TENM2: variants seen among roughly 807,000 people sequenced by gnomAD.
The protein encoded by TENM2 is teneurin transmembrane protein 2.
In TENM2, 52 loss-of-function variants were observed where a neutral mutation model predicts 245.2. The observed-to-expected ratio is 0.21, with a 90% CI of 0.17 to 0.27. The LOEUF (loss-of-function observed/expected upper bound fraction) is 0.27, where lower values mean the gene tolerates loss of function less well. Among genes scored for constraint, TENM2 ranks in the 10% least tolerant of loss-of-function variants. TENM2 has a pLI of 1.00. For missense variants in TENM2, 3,046 were observed against 3,666.8 expected (o/e 0.83, Z 4.37); for synonymous variants, 1,363 against 1,438.9 (o/e 0.95, Z 1.19).
chr5:167,536,632 G>A (rs1715675588), intron 2 of TENM2, among the ~76,000 whole-genome samples: 1 of 152,128 alleles, frequency 6.6e-6, no homozygotes, highest in Admixed American at 6.5e-5. Flanking sequence ...ATTTTAGCAT[G>A]GAGCCAGGCA....
intron 3 of TENM2, among the ~76,000 whole-genome samples, chr5:167,931,130 A>T (rs956802694): frequency 1.3e-5 from 2 of 152,252 alleles, no homozygotes; most frequent in Non-Finnish European, 1.5e-5. Context: ...GTTTCCAACT[A>T]TAGAGATTGT....
At chr5:167,622,749 G>A (rs2127773540) in intron 2 of TENM2, among the ~76,000 whole-genome samples, 1 of 152,230 alleles carries the variant, frequency 6.6e-6, no homozygotes, top group South Asian at 2.1e-4. Flanking sequence ...CAGAAAGAGG[G>A]ATAAGTCTTG....
intron 1 of TENM2, among the ~76,000 whole-genome samples, chr5:167,337,697 G>T (rs558206534): frequency 1.3e-5 from 2 of 152,106 alleles, no homozygotes; most frequent in Non-Finnish European, 2.9e-5. Flanking sequence ...AAAGCTTGAC[G>T]TTGCAAAAAG....
the TENM2 span, among the ~76,000 whole-genome samples, chr5:166,990,726 C>T: frequency 6.6e-6 from 1 of 152,118 alleles, no homozygotes; most frequent in East Asian, 1.9e-4. Flanking sequence ...TTATAGATTT[C>T]AAATAGGTCA....
At chr5:168,013,235 A>C (rs1396249660) in intron 5 of TENM2, among the ~76,000 whole-genome samples, 1 of 152,176 alleles carries the variant, frequency 6.6e-6, no homozygotes, top group Non-Finnish European at 1.5e-5. Flanking sequence ...TGAAGATGAT[A>C]AGGGAAACGA....
At chr5:167,958,830 C>T (rs781594797) in intron 4 of TENM2, among the ~76,000 whole-genome samples, 9 of 151,786 alleles carry the variant, frequency 5.9e-5, no homozygotes, top group South Asian at 2.1e-4. Context: ...TGGCTTGTAG[C>T]GTGTCTGCAG....
chr5:168,136,871 G>A (rs770417263), intron 12 of TENM2, among the ~76,000 whole-genome samples: 7 of 152,176 alleles, frequency 4.6e-5, no homozygotes, highest in Non-Finnish European at 8.8e-5. Flanking sequence ...TTTAGGTTAA[G>A]GGTTGCCTTC....
the TENM2 span, among the ~76,000 whole-genome samples, chr5:167,102,010 G>A: frequency 6.9e-6 from 1 of 145,036 alleles, no homozygotes; most frequent in Non-Finnish European, 1.5e-5. Flanking sequence ...TGGATCACCT[G>A]AGGTCAGGAG....
At chr5:167,014,267 G>A in the TENM2 span, among the ~76,000 whole-genome samples, 12 of 149,630 alleles carry the variant, frequency 8.0e-5, no homozygotes, top group African/African-American at 2.9e-4. Context: ...AGTAAAATAC[G>A]ACATAAGATA....
intron 2 of TENM2, among the ~76,000 whole-genome samples, chr5:167,693,022 G>A (rs906207221): frequency 6.6e-6 from 1 of 152,182 alleles, no homozygotes; most frequent in East Asian, 1.9e-4. Flanking sequence ...TCACAGAATG[G>A]CCACTGATTA....
the TENM2 span, among the ~76,000 whole-genome samples, chr5:167,106,403 G>A: frequency 1.8e-3 from 267 of 152,284 alleles, 1 homozygote; most frequent in Admixed American, 6.4e-3. Flanking sequence ...AGCAAGAACG[G>A]TGTAGAAATG....
At chr5:168,023,369 G>A (rs751838218) in intron 5 of TENM2, among the ~76,000 whole-genome samples, 3 of 152,198 alleles carry the variant, frequency 2.0e-5, no homozygotes, top group African/African-American at 4.8e-5. Flanking sequence ...AGCAAAGCCC[G>A]AGTGTGATGG....
At chr5:168,252,199 G>C (rs1767175975) in intron 27 of TENM2, among the ~76,000 whole-genome samples, 1 of 151,908 alleles carries the variant, frequency 6.6e-6, no homozygotes, top group African/African-American at 2.4e-5. Context: ...GCAATGTAGA[G>C]AGATCCCATC....
intron 2 of TENM2, among the ~76,000 whole-genome samples, chr5:167,445,782 AC>A (rs1765173622): frequency 6.6e-6 from 1 of 152,052 alleles, no homozygotes; most frequent in African/African-American, 2.4e-5. Flanking sequence ...GACATCCCTC[AC>A]TCAATGGTGT....
rs1258303842 is a variant in TENM2 at position 168,211,681 on chromosome 5, A to G, written c.3825-53A>G. On this transcript the variant is annotated intron_variant, in intron 19 of 28. Coordinates refer to ENST00000518659, the Ensembl canonical transcript of TENM2. ...AAATGTTATGTTTGCTTTATCATCA[A>G]TTCTTCTGCTAACTGTTTGTTCTTT... 9.6e-6 allele frequency: 11 copies of G among 1,146,046 alleles called. No homozygotes were observed. In the Admixed American group the frequency reaches 1.3e-4, roughly 14 times the overall value. The allele number at this position is 1,146,046 out of a possible 1,614,324, so 71.0% of individuals were successfully genotyped here. A position where few individuals can be genotyped will look rare whatever the true frequency, so the allele number is the denominator to read the frequency against.
intron 2 of TENM2, among the ~76,000 whole-genome samples, chr5:167,420,085 A>T (rs766035944): frequency 3.9e-5 from 6 of 152,228 alleles, no homozygotes; most frequent in Non-Finnish European, 7.3e-5. Flanking sequence ...TACTTTGCAA[A>T]AGGTCACCAA....
At chr5:167,792,056 GT>G (rs1765016855) in intron 2 of TENM2, among the ~76,000 whole-genome samples, 2 of 152,126 alleles carry the variant, frequency 1.3e-5, no homozygotes, top group Non-Finnish European at 2.9e-5. Flanking sequence ...TAAACTATTT[GT>G]TATTCCTATG....
chr5:167,911,000 A>C (rs2151577876), intron 3 of TENM2, among the ~76,000 whole-genome samples: 1 of 152,252 alleles, frequency 6.6e-6, no homozygotes, highest in South Asian at 2.1e-4. Context: ...TGCATCAAAA[A>C]CCTGTTATTA....
At chr5:167,755,226 T>G in intron 2 of TENM2, 1 of 1,527,766 alleles carries the variant, frequency 6.5e-7, no homozygotes, top group Non-Finnish European at 9.0e-7. Context: ...AGATGGGGTT[T>G]TGCAAGCACC....
Sources: allele counts gnomAD v4.1 joint callset (sites outside exome capture counted in the v4.1 genomes callset), GRCh38; gene constraint gnomAD v4.1.1; transcripts MANE v1.5; gene names NCBI Gene and HGNC (gene_info 2026-07-23, HGNC 2026-07-21).